Variants in M1AP observed in about 807,000 individuals in gnomAD.
M1AP encodes the protein meiosis 1 arrest protein.
In M1AP, 39 loss-of-function variants were observed where a neutral mutation model predicts 51.2. The ratio of observed to expected loss-of-function variants is 0.76; its 90% CI spans 0.59 to 1.00. The LOEUF (loss-of-function observed/expected upper bound fraction) is 1.00. Ranked by LOEUF, M1AP falls within the 50% of genes least tolerant of loss-of-function variation. The probability of loss-of-function intolerance (pLI) is 0.00; values close to 1 mark genes in which losing one functional copy is unlikely to be tolerated. For missense variants in M1AP, 545 were observed against 641.2 expected (o/e 0.85, Z 1.62); for synonymous variants, 251 against 249.2 (o/e 1.01, Z -0.07).
intron 2 of M1AP, among the ~76,000 whole-genome samples, chr2:74,636,638 G>A (rs1325698222): frequency 2.6e-5 from 4 of 151,970 alleles, no homozygotes; most frequent in African/African-American, 4.8e-5. Context: ...TTTTAGTGGT[G>A]GCTCTAATTA....
At chr2:74,618,806 C>T (rs1408567310) in intron 2 of M1AP, 2 of 315,344 alleles carry the variant, frequency 6.3e-6, no homozygotes, top group Admixed American at 7.6e-5. Flanking sequence ...CAAGGTCCCT[C>T]GTGTGCTGAG....
chr2:74,575,446 TGTGA>T lies in M1AP; in HGVS notation c.1062_1065del (p.Cys354Ter). On this transcript the variant is annotated frameshift_variant, in exon 7 of 11. Coordinates refer to ENST00000421985, the MANE Select transcript of M1AP (RefSeq NM_001321739.2). LOFTEE classifies it high-confidence loss of function. ...GGGACATGGGTACTCACCAGCAGGC[TGTGA>T]CACAAAGCATGGAAATGTTGCTGAT... The T allele has an allele frequency of 6.2e-7, 1 of 1,614,168 alleles. No homozygotes were observed. The highest frequency in any genetic ancestry group is 8.5e-7 in the Non-Finnish European group (1 of 1,180,022).
At chr2:74,590,080 A>G (rs1679951664) in intron 4 of M1AP, among the ~76,000 whole-genome samples, 1 of 152,250 alleles carries the variant, frequency 6.6e-6, no homozygotes, top group African/African-American at 2.4e-5. Flanking sequence ...CTTGATTTAC[A>G]TAATTTCTGA....
intron 7 of M1AP, among the ~76,000 whole-genome samples, chr2:74,568,056 G>T (rs1235263842): frequency 6.6e-6 from 1 of 152,228 alleles, no homozygotes; most frequent in African/African-American, 2.4e-5. Context: ...ACGAGGACTG[G>T]TGCGTTGGCA....
chr2:74,604,835 A>T (rs1296374485), intron 4 of M1AP, among the ~76,000 whole-genome samples: 1 of 152,220 alleles, frequency 6.6e-6, no homozygotes, highest in Non-Finnish European at 1.5e-5. Flanking sequence ...TAAGGTACAG[A>T]GTGACTGGAA....
chr2:74,606,966 C>G lies in M1AP; in HGVS notation c.595+89G>C. Reference sequence around the variant, plus strand: ...CGTGCAGGTTTGTTACATATGTATACATGTGCCATGTTGGTGTGCTGCACC... The same window carrying G: ...CGTGCAGGTTTGTTACATATGTATAGATGTGCCATGTTGGTGTGCTGCACC... On this transcript the variant is annotated intron_variant, in intron 4 of 10. Transcript: ENST00000421985. 5 of 1,048,018 alleles carry G rather than the reference C, an allele frequency of 4.8e-6. No homozygotes were observed. In the South Asian group the frequency reaches 7.1e-5, roughly 15 times the overall value. The allele number at this position is 1,048,018 out of a possible 1,614,324, so 64.9% of individuals were successfully genotyped here.
chr2:74,639,553 T>C (rs1260450888), intron 2 of M1AP, among the ~76,000 whole-genome samples: 1 of 152,210 alleles, frequency 6.6e-6, no homozygotes, highest in African/African-American at 2.4e-5. Context: ...CACCTGAGTC[T>C]ATGTGGAATG....
chr2:74,641,699 C>T (rs1683306914), intron 1 of M1AP, among the ~76,000 whole-genome samples: 1 of 149,462 alleles, frequency 6.7e-6, no homozygotes, highest in Admixed American at 6.7e-5. Context: ...TGGTCTCAAA[C>T]TCCTGGGCTC....
intron 7 of M1AP, among the ~76,000 whole-genome samples, chr2:74,568,807 C>T (rs1678545173): frequency 6.6e-6 from 1 of 152,122 alleles, no homozygotes; most frequent in Non-Finnish European, 1.5e-5. Context: ...TCTGGAGGGC[C>T]AGGAACAAAC....
intron 7 of M1AP, among the ~76,000 whole-genome samples, chr2:74,571,031 AG>A (rs1678704471): frequency 6.6e-6 from 1 of 152,252 alleles, no homozygotes; most frequent in Non-Finnish European, 1.5e-5. Flanking sequence ...AGAATAGGCA[AG>A]GTGTAATACG....
intron 2 of M1AP, chr2:74,615,371 T>TAA (rs1473750955): frequency 5.8e-6 from 3 of 520,770 alleles, no homozygotes; most frequent in Non-Finnish European, 1.0e-5. Context: ...TTTGATTACT[T>TAA]AGAGTTACCA....
At position 74,640,208 on chromosome 2, in the gene M1AP, C is replaced by T. The variant is rs747066526; in HGVS notation, c.68G>A (p.Arg23Gln). The T allele has an allele frequency of 3.7e-6, 6 of 1,613,892 alleles. No individual in the cohort carries two copies. In the African/African-American group the frequency reaches 6.7e-5, roughly 18 times the overall value. ...THTQIDQQPP[R>Q]LLIVHIALPS... ...TAGAGCAATGTGCACAATGAGAAGC[C>T]GTGGAGGTTGCTGGTCAATCTGAGT... The change falls in exon 2 of 11, where the codon CGG becomes CAG. Residue 23 changes from arginine to glutamine, a missense_variant. Arg to Gln is a conservative substitution (Grantham distance 43). Coordinates refer to ENST00000421985, the MANE Select transcript of M1AP (RefSeq NM_001321739.2).
intron 2 of M1AP, 54 bp downstream of exon 2, chr2:74,639,982 C>A (rs908420605): frequency 6.8e-6 from 10 of 1,477,130 alleles, no homozygotes; most frequent in South Asian, 2.3e-5. Context: ...ATTCCAGAAA[C>A]CTTACCACTG....
intron 5 of M1AP, among the ~76,000 whole-genome samples, chr2:74,579,807 TA>T (rs1679297394): frequency 6.6e-6 from 1 of 152,108 alleles, no homozygotes; most frequent in Admixed American, 6.5e-5. Flanking sequence ...AAATCTTTAT[TA>T]TTAAAAACAT....
intron 5 of M1AP, among the ~76,000 whole-genome samples, chr2:74,579,320 C>A (rs1194332272): frequency 6.6e-6 from 1 of 152,186 alleles, no homozygotes; most frequent in Non-Finnish European, 1.5e-5. Context: ...GAATCTCTAG[C>A]CCCTTTGTTC....
intron 2 of M1AP, among the ~76,000 whole-genome samples, chr2:74,626,259 T>G (rs936746872): frequency 2.1e-5 from 3 of 142,106 alleles, no homozygotes; most frequent in South Asian, 2.2e-4. Flanking sequence ...ATATTTCAGT[T>G]TTTTTTTTTT....
At chr2:74,589,748 C>T (rs185364860) in intron 4 of M1AP, among the ~76,000 whole-genome samples, 57 of 152,304 alleles carry the variant, frequency 3.7e-4, no homozygotes, top group Admixed American at 3.5e-3. Context: ...CCAGGGAATT[C>T]TATTGTTAGC....
chr2:74,601,040 A>G (rs1442516199), intron 4 of M1AP, among the ~76,000 whole-genome samples: 1 of 152,126 alleles, frequency 6.6e-6, no homozygotes, highest in Non-Finnish European at 1.5e-5. Context: ...TGCAAGTTGT[A>G]TTTAATCATC....
At chr2:74,633,419 C>A (rs1010882786) in intron 2 of M1AP, among the ~76,000 whole-genome samples, 2 of 152,144 alleles carry the variant, frequency 1.3e-5, no homozygotes, top group Non-Finnish European at 2.9e-5. Context: ...CCTGCACCAT[C>A]CCCCAGGTGA....
Sources: allele counts gnomAD v4.1 joint callset (sites outside exome capture counted in the v4.1 genomes callset), GRCh38; gene constraint gnomAD v4.1.1; transcripts MANE v1.5; gene names NCBI Gene and HGNC (gene_info 2026-07-23, HGNC 2026-07-21).